SLC5A6: variants seen among roughly 807,000 people sequenced by gnomAD.
The protein encoded by SLC5A6 is sodium-dependent multivitamin transporter.
A neutral mutation model predicts 67.9 loss-of-function variants in SLC5A6; 31 were observed. The observed-to-expected ratio is 0.46, with a 90% CI of 0.34 to 0.62. The LOEUF (loss-of-function observed/expected upper bound fraction) is 0.62, where lower values mean the gene tolerates loss of function less well. Among genes scored for constraint, SLC5A6 ranks in the 20% least tolerant of loss-of-function variants. The probability of loss-of-function intolerance (pLI) is 0.01; values close to 1 mark genes in which losing one functional copy is unlikely to be tolerated. For synonymous variants in SLC5A6, 343 were observed against 331.0 expected (o/e 1.04, Z -0.39); for missense variants, 673 against 812.8 (o/e 0.83, Z 2.09).
In SLC5A6 at chr2:27,207,969, C is replaced by T. The variant is rs898255203; in HGVS notation, c.-140-179G>A. 1.8e-4 allele frequency among the ~76,000 whole-genome samples: 27 copies of T among 152,284 alleles called. No individual in the cohort carries two copies. Among genetic ancestry groups the T allele is most frequent in the South Asian group, 2.1e-4 (1 of 4,824 alleles). On this transcript the variant is annotated intron_variant, in intron 2 of 16. Transcript: ENST00000310574. The surrounding 1 kb of genome is among the most constrained non-coding windows in gnomAD (Gnocchi z 5.5). Reference sequence around the variant, plus strand: ...TAAGTGAGGGAGAAGCATCAGAGTGCGACAGCCAGGAGACAATATAACTTG... The same window carrying T: ...TAAGTGAGGGAGAAGCATCAGAGTGTGACAGCCAGGAGACAATATAACTTG...
intron 15 of SLC5A6, 88 bp downstream of exon 15, chr2:27,201,262 A>G (rs1380331531): frequency 9.8e-7 from 1 of 1,017,742 alleles, no homozygotes; most frequent in Admixed American, 2.0e-5. Flanking sequence ...CCAAGAGCTC[A>G]GAGGGCAGGA....
At position 27,207,065 on chromosome 2, in the gene SLC5A6, G is replaced by T; in HGVS notation, c.394-123C>A. 2 of 1,023,874 alleles carry T rather than the reference G, an allele frequency of 2.0e-6. No individual in the cohort carries two copies. The highest frequency in any genetic ancestry group is 1.3e-5 in the South Asian group (1 of 75,784). The allele number at this position is 1,023,874 out of a possible 1,614,324, so 63.4% of individuals were successfully genotyped here. A position where few individuals can be genotyped will look rare whatever the true frequency, so the allele number is the denominator to read the frequency against. On this transcript the variant is annotated intron_variant, in intron 3 of 16. Transcript: ENST00000310574. The surrounding 1 kb of genome is among the most constrained non-coding windows in gnomAD (Gnocchi z 5.5). ...CCCATACCCACTCTGAGTCCTACTCGGCATAGCACCCTCCTCTCCAATCCT... is the reference window on the plus strand; with the variant it reads ...CCCATACCCACTCTGAGTCCTACTCTGCATAGCACCCTCCTCTCCAATCCT...
At chr2:27,212,376 C>G, upstream of SLC5A6, 1 of 1,550,556 alleles carries the variant, frequency 6.4e-7, no homozygotes. Flanking sequence ...AAAATGGCGC[C>G]TCACGACCCG....
In SLC5A6 at chr2:27,212,255, A is replaced by C; in HGVS notation, c.-443T>G. 1 of 1,559,934 alleles carries C rather than the reference A, an allele frequency of 6.4e-7. No individual in the cohort carries two copies. The highest frequency in any genetic ancestry group is 1.2e-5 in the South Asian group (1 of 84,782). On this transcript the variant is annotated 5_prime_UTR_variant, in exon 1 of 17. Transcript: ENST00000310574. Reference sequence around the variant, plus strand: ...GCAGGAAAAGCCCCCAAGCAGCCCCAGGGCGACTGGACCGGGCCGCTTAGG... The same window carrying C: ...GCAGGAAAAGCCCCCAAGCAGCCCCCGGGCGACTGGACCGGGCCGCTTAGG...
At chr2:27,203,727 C>T in intron 10 of SLC5A6, 52 bp downstream of exon 10, 1 of 1,377,116 alleles carries the variant, frequency 7.3e-7, no homozygotes, top group Non-Finnish European at 1.0e-6. Context: ...TCACCTTGTA[C>T]CAAATAGGGG....
intron 12 of SLC5A6, among the ~76,000 whole-genome samples, 159 bp downstream of exon 12, chr2:27,202,654 G>A (rs1378122005): frequency 6.6e-6 from 1 of 152,060 alleles, no homozygotes; most frequent in Non-Finnish European, 1.5e-5. Context: ...TCCTCTGGCT[G>A]CTTGCAAGTC....
intron 12 of SLC5A6, among the ~76,000 whole-genome samples, chr2:27,202,365 G>T (rs1485906042): frequency 1.3e-5 from 2 of 152,004 alleles, no homozygotes; most frequent in Non-Finnish European, 2.9e-5. Flanking sequence ...AGCCAGACAC[G>T]GTGGCACATG....
At chr2:27,202,698 T>C in intron 12 of SLC5A6, 115 bp downstream of exon 12, 1 of 900,918 alleles carries the variant, frequency 1.1e-6, no homozygotes, top group South Asian at 1.3e-5. Context: ...CAAAGGGGAA[T>C]CTCTTACGCC....
At chr2:27,212,714 T>TA (rs1674635251), upstream of SLC5A6, 1 of 1,241,598 alleles carries the variant, frequency 8.1e-7, no homozygotes, top group Non-Finnish European at 1.1e-6. Flanking sequence ...AGAATAACTT[T>TA]AAGTTCTTTC....
rs1349109062 is a variant in SLC5A6, at chr2:27,204,810, T to C, written c.856A>G (p.Thr286Ala). 6.2e-7 allele frequency: 1 copy of C among 1,614,022 alleles called. No individual in the cohort carries two copies. Among genetic ancestry groups the C allele is most frequent in the Non-Finnish European group, 8.5e-7 (1 of 1,180,020 alleles). Residue 286 changes from threonine to alanine, a missense_variant, in exon 8 of 17, where the codon ACG becomes GCG. Transcript: ENST00000310574. ...AQVQRYLSSRTEKAAVLSCYA... is the reference protein window; with the variant it reads ...AQVQRYLSSRAEKAAVLSCYA... Reference sequence around the variant, plus strand: ...ACTCACAGCACAGCAGCCTTCTCCGTGCGGGAACTGAGGTACCGCTGCACC... The same window carrying C: ...ACTCACAGCACAGCAGCCTTCTCCGCGCGGGAACTGAGGTACCGCTGCACC...
chr2:27,203,638 C>T (rs1673818986), intron 10 of SLC5A6, 141 bp downstream of exon 10: 3 of 695,608 alleles, frequency 4.3e-6, no homozygotes, highest in Admixed American at 2.4e-5. Context: ...TGAGCTATCC[C>T]TTGTCATGCA....
rs374107283 is a variant in SLC5A6 at position 27,201,447 on chromosome 2, T to C, written c.1551A>G (p.Thr517=). The C allele has an allele frequency of 6.2e-7, 1 of 1,607,166 alleles. No individual in the cohort carries two copies. The highest frequency in any genetic ancestry group is 8.5e-7 in the Non-Finnish European group (1 of 1,173,744). ...LMPLTTFSKP[T]GLQRFYSLSY... The stretch of plus-strand genomic sequence containing the variant: ...ACAAGGAATAGAACCGCTGCAGCCC[T>C]GTGGGCCTGGGAAGAGCAGAGGTGA... Residue 517 remains threonine, a synonymous_variant, in exon 15 of 17, where the codon ACA becomes ACG. Transcript: ENST00000310574.
At chr2:27,200,808 C>T (rs1189179721) in intron 16 of SLC5A6, among the ~76,000 whole-genome samples, 190 bp downstream of exon 16, 3 of 152,216 alleles carry the variant, frequency 2.0e-5, no homozygotes, top group Non-Finnish European at 2.9e-5. Flanking sequence ...CCCTGAGATC[C>T]TTCTGCCCAC....
rs1674573960 is a variant in SLC5A6 at position 27,212,085 on chromosome 2, A to G, written c.-273T>C. Reference sequence around the variant, plus strand: ...ACCTCGGCGTCCGGACGCGGGGAACACCGGGCTGAGGGAGTCTGCAGTCGG... The same window carrying G: ...ACCTCGGCGTCCGGACGCGGGGAACGCCGGGCTGAGGGAGTCTGCAGTCGG... On this transcript the variant is annotated 5_prime_UTR_variant, in exon 1 of 17. Coordinates refer to ENST00000310574, the MANE Select transcript of SLC5A6 (RefSeq NM_021095.4). 4 of 1,358,364 alleles carry G rather than the reference A, an allele frequency of 2.9e-6. No homozygotes were observed. Among genetic ancestry groups the G allele is most frequent in the African/African-American group, 1.6e-5 (1 of 64,140 alleles). 84.1% of individuals were successfully genotyped at this position (1,358,364 alleles called of 1,614,324 possible). A position where few individuals can be genotyped will look rare whatever the true frequency, so the allele number is the denominator to read the frequency against.
At chr2:27,212,694 C>T (rs1674633910), upstream of SLC5A6, 1 of 1,324,134 alleles carries the variant, frequency 7.6e-7, no homozygotes, top group East Asian at 2.9e-5. Context: ...TGATTTCGCC[C>T]CTTAATTTTA....
rs1237273499 is a variant in SLC5A6 at position 27,203,707 on chromosome 2, G to A, written c.1094+72C>T. The A allele has an allele frequency of 2.2e-5, 25 of 1,136,654 alleles. 1 individual carries two copies. Among genetic ancestry groups the A allele is most frequent in the Admixed American group, 5.1e-5 (3 of 58,850 alleles). The allele number at this position is 1,136,654 out of a possible 1,614,324, so 70.4% of individuals were successfully genotyped here. On this transcript the variant is annotated intron_variant, in intron 10 of 16. Transcript: ENST00000310574. Reference sequence around the variant, plus strand: ...GGGATTCCCCACCCACTATCACCCCGCTCCACCCATCACCTTGTACCAAAT... The same window carrying A: ...GGGATTCCCCACCCACTATCACCCCACTCCACCCATCACCTTGTACCAAAT...
At chr2:27,203,030 A>C in intron 11 of SLC5A6, 150 bp from the exon 12 acceptor site, 1 of 1,502,834 alleles carries the variant, frequency 6.7e-7, no homozygotes, top group African/African-American at 1.4e-5. Context: ...CCTCCCACCA[A>C]GTCCTCACTC....
At chr2:27,211,987 T>TGCCCGCCCCCA in intron 1 of SLC5A6, 33 bp downstream of exon 1, 10 of 424,672 alleles carry the variant, frequency 2.4e-5, no homozygotes, top group East Asian at 5.8e-5. Flanking sequence ...GCCCGCCCCC[T>TGCCCGCCCCCA]GCCCGCCCCG....
At position 27,201,855 on chromosome 2, in the gene SLC5A6, GAC is replaced by G. The variant is rs1446576484; in HGVS notation, c.1363-10_1363-9del. The G allele has an allele frequency of 8.7e-6, 14 of 1,613,730 alleles. No homozygotes were observed. Among genetic ancestry groups the G allele is most frequent in the Middle Eastern group, 1.6e-4 (1 of 6,084 alleles). ...CAGGCCCACAACAGCACCCTGCCGAGACACAGTGCAGGCCTGTCACAAGGCCA... is the reference window on the plus strand; with the variant it reads ...CAGGCCCACAACAGCACCCTGCCGAGACAGTGCAGGCCTGTCACAAGGCCA... On this transcript the variant is annotated splice_polypyrimidine_tract_variant and intron_variant, in intron 13 of 16. Coordinates refer to ENST00000310574, the MANE Select transcript of SLC5A6 (RefSeq NM_021095.4).
Sources: gnomAD v4.1 joint callset for allele counts (sites outside exome capture counted in the v4.1 genomes callset) on GRCh38, gnomAD v4.1.1 for gene constraint, Gnocchi (gnomAD v3.1) non-coding constraint, MANE v1.5 for transcripts, NCBI Gene and HGNC (gene_info 2026-07-23, HGNC 2026-07-21) for gene names.